Variants in PARD6G observed in about 807,000 individuals in gnomAD.
PARD6G encodes the protein par-6 family cell polarity regulator gamma, also known as partitioning defective 6 homolog gamma.
PARD6G carries 7 observed loss-of-function variants against 10.7 expected under a neutral mutation model. The observed-to-expected ratio is 0.66, with a 90% CI of 0.37 to 1.23. PARD6G has a LOEUF of 1.23. Among genes scored for constraint, PARD6G ranks in the 50% most tolerant of loss-of-function variants. The probability of loss-of-function intolerance (pLI) is 0.02; values close to 1 mark genes in which losing one functional copy is unlikely to be tolerated. For missense variants in PARD6G, 548 were observed against 571.8 expected (o/e 0.96, Z 0.42); for synonymous variants, 287 against 269.4 (o/e 1.07, Z -0.64).
chr18:80,236,136 C>A (rs936693802), intron 1 of PARD6G, among the ~76,000 whole-genome samples: 1 of 152,194 alleles, frequency 6.6e-6, no homozygotes, highest in African/African-American at 2.4e-5. Context: ...AGCAGCACAT[C>A]AAAAAGCTTA....
At chr18:80,186,894 C>T (rs1214277275) in intron 2 of PARD6G, among the ~76,000 whole-genome samples, 2 of 152,110 alleles carry the variant, frequency 1.3e-5, no homozygotes, top group African/African-American at 4.8e-5. Flanking sequence ...GTCGGGAAAT[C>T]AAGACCATCC....
chr18:80,218,708 T>C (rs1967197115), intron 1 of PARD6G, among the ~76,000 whole-genome samples: 1 of 152,242 alleles, frequency 6.6e-6, no homozygotes, highest in Non-Finnish European at 1.5e-5. Context: ...ATGTGGGGGC[T>C]GTGATCTCAC....
rs2052804915 is a variant in PARD6G, at chr18:80,175,784, C to G, written c.296-15178G>C. The G allele has an allele frequency of 6.0e-6, 1 of 166,920 alleles. No individual in the cohort carries two copies. Among genetic ancestry groups the G allele is most frequent in the African/African-American group, 2.4e-5 (1 of 41,464 alleles). 10.3% of individuals were successfully genotyped at this position (166,920 alleles called of 1,614,324 possible). On this transcript the variant is annotated intron_variant, in intron 2 of 2. Transcript: ENST00000353265. This position sits in a 1 kb window ranked among gnomAD's most constrained non-coding sequence, Gnocchi z 6.7. Reference sequence around the variant, plus strand: ...ACAACCACACAGACCCGCCACTGAGCAGCTGGGGTGGCCACTTCCTGGATG... The same window carrying G: ...ACAACCACACAGACCCGCCACTGAGGAGCTGGGGTGGCCACTTCCTGGATG...
chr18:80,231,995 T>C lies in PARD6G; in HGVS notation c.72+15282A>G, dbSNP rs1280913210. Among the ~76,000 whole-genome samples, 2 of 152,220 alleles carry C rather than the reference T, an allele frequency of 1.3e-5. No homozygotes were observed. ...CAGCTGAACCACAAGCCCTAATCTC[T>C]GAGCAGAAGCCACTGCGTTCCTACA... is the stretch of plus-strand genomic sequence containing the variant. On this transcript the variant is annotated intron_variant, in intron 1 of 2. Transcript: ENST00000353265. The surrounding 1 kb of genome is among the most constrained non-coding windows in gnomAD (Gnocchi z 4.2).
chr18:80,245,736 G>A (rs1777824017), intron 1 of PARD6G, among the ~76,000 whole-genome samples: 2 of 152,132 alleles, frequency 1.3e-5, no homozygotes, highest in African/African-American at 4.8e-5. Context: ...TGTTCCCACT[G>A]AGCTAAAGAA....
In PARD6G at chr18:80,160,280, C is replaced by G; in HGVS notation, c.622G>C (p.Gly208Arg). 1 of 1,612,206 alleles carries G rather than the reference C, an allele frequency of 6.2e-7. No individual in the cohort carries two copies. The highest frequency in any genetic ancestry group is 8.5e-7 in the Non-Finnish European group (1 of 1,179,762). The part of the protein sequence containing the change: ...MVPGGLAEST[G>R]LLAVNDEVLE... Reference sequence around the variant, plus strand: ...ACCTCGTCATTCACAGCCAGCAGCCCGGTGCTCTCCGCCAGGCCCCCGGGT... The same window carrying G: ...ACCTCGTCATTCACAGCCAGCAGCCGGGTGCTCTCCGCCAGGCCCCCGGGT... The change falls in exon 3 of 3, where the codon GGG becomes CGG. Residue 208 changes from glycine (G) to arginine (R), a missense_variant. Coordinates refer to ENST00000353265, the MANE Select transcript of PARD6G (RefSeq NM_032510.4).
chr18:80,189,962 A>G lies in PARD6G; in HGVS notation c.295+12748T>C, dbSNP rs1265262562. The stretch of plus-strand genomic sequence containing the variant: ...TTTTTTAGTATATTCAGTGTTGTGT[A>G]ACCACCACCACCACCTAATTCTGGA... On this transcript the variant is annotated intron_variant, in intron 2 of 2. Transcript: ENST00000353265. The surrounding 1 kb of genome is among the most constrained non-coding windows in gnomAD (Gnocchi z 5.5). Among the ~76,000 whole-genome samples the G allele has an allele frequency of 1.3e-5, 2 of 152,128 alleles. No individual in the cohort carries two copies. Among genetic ancestry groups the G allele is most frequent in the African/African-American group, 4.8e-5 (2 of 41,418 alleles).
chr18:80,229,271 A>C (rs897038276), intron 1 of PARD6G, among the ~76,000 whole-genome samples: 9 of 152,344 alleles, frequency 5.9e-5, no homozygotes, highest in African/African-American at 1.9e-4. Context: ...TAAGGGCTCA[A>C]GGAAGCCTTT....
Position 80,181,477 on chromosome 18 carries a change from C to T in PARD6G, c.296-20871G>A, listed in dbSNP as rs115797111. ...TGAGCCCTCAAGAAGGCCTCATCTC[C>T]ATACAGCGCTGCGGCCAGCTGGTGA... On this transcript the variant is annotated intron_variant, in intron 2 of 2. Transcript: ENST00000353265. The surrounding 1 kb of genome is among the most constrained non-coding windows in gnomAD (Gnocchi z 7.9). Among the ~76,000 whole-genome samples the T allele has an allele frequency of 3.0e-3, 450 of 152,286 alleles. 3 individuals carry two copies. The highest frequency in any genetic ancestry group is 9.8e-3 in the African/African-American group (409 of 41,546).
At position 80,161,730 on chromosome 18, in the gene PARD6G, G is replaced by A; in HGVS notation, c.296-1124C>T. 6.6e-6 allele frequency: 1 copy of A among 152,216 alleles called. No homozygotes were observed. Among genetic ancestry groups the A allele is most frequent in the South Asian group, 2.1e-4 (1 of 4,822 alleles). The allele number at this position is 152,216 out of a possible 1,614,324, so 9.4% of individuals were successfully genotyped here. ...ACAGCAGCCTGCTCTTTGGGCTGGGGAGGCTCACATCTTTGCTTTGCCAGT... is the reference window on the plus strand; with the variant it reads ...ACAGCAGCCTGCTCTTTGGGCTGGGAAGGCTCACATCTTTGCTTTGCCAGT... On this transcript the variant is annotated intron_variant, in intron 2 of 2. Transcript: ENST00000353265. The surrounding 1 kb of genome is among the most constrained non-coding windows in gnomAD (Gnocchi z 4.6).
intron 1 of PARD6G, among the ~76,000 whole-genome samples, chr18:80,214,061 G>T (rs1266783278): frequency 6.6e-6 from 1 of 152,046 alleles, no homozygotes; most frequent in Non-Finnish European, 1.5e-5. Context: ...GTCCATGAGG[G>T]GGCCCAGATG....
chr18:80,224,454 T>C (rs1967265414), intron 1 of PARD6G, among the ~76,000 whole-genome samples: 1 of 152,220 alleles, frequency 6.6e-6, no homozygotes, highest in Non-Finnish European at 1.5e-5. Flanking sequence ...TGTGAGGTTC[T>C]CTCACTGTCG....
chr18:80,217,017 A>C (rs1359303460), intron 1 of PARD6G, among the ~76,000 whole-genome samples: 2 of 152,188 alleles, frequency 1.3e-5, no homozygotes, highest in Non-Finnish European at 1.5e-5. Context: ...TCCTTGGAGA[A>C]ATGACTGATT....
At position 80,246,802 on chromosome 18, in the gene PARD6G, TCTC is replaced by T. The variant is rs1299119451; in HGVS notation, c.72+472_72+474del. ...CGCCGGGCTCGGAGCCGGCGGCAAG[TCTC>T]CTCCTGGCAGGTAACAAGCCTCCTT... On this transcript the variant is annotated intron_variant, in intron 1 of 2. Transcript: ENST00000353265. This position sits in a 1 kb window ranked among gnomAD's most constrained non-coding sequence, Gnocchi z 6.7. Among the ~76,000 whole-genome samples, 3 of 151,826 alleles carry T rather than the reference TCTC, an allele frequency of 2.0e-5. No individual in the cohort carries two copies. The highest frequency in any genetic ancestry group is 3.9e-4 in the East Asian group (2 of 5,120).
chr18:80,219,483 T>C (rs576573588), intron 1 of PARD6G, among the ~76,000 whole-genome samples: 35 of 152,324 alleles, frequency 2.3e-4, no homozygotes, highest in Non-Finnish European at 4.0e-4. Context: ...GTGCTGGGAT[T>C]ACAGGCGTGA....
At chr18:80,214,058 AG>A (rs1431575520) in intron 1 of PARD6G, among the ~76,000 whole-genome samples, 1 of 152,126 alleles carries the variant, frequency 6.6e-6, no homozygotes, top group Non-Finnish European at 1.5e-5. Context: ...ACTGTCCATG[AG>A]GGGGCCCAGA....
intron 1 of PARD6G, among the ~76,000 whole-genome samples, chr18:80,234,597 G>A (rs1467779273): frequency 2.0e-5 from 3 of 152,000 alleles, no homozygotes; most frequent in African/African-American, 7.3e-5. Flanking sequence ...CCCCCATAGG[G>A]CAGACTTGCA....
chr18:80,243,473 T>C (rs189353100), intron 1 of PARD6G, among the ~76,000 whole-genome samples: 1,586 of 152,274 alleles, frequency 0.01, 8 homozygotes, highest in Non-Finnish European at 0.016. Flanking sequence ...ACCAATGGTG[T>C]TGGCCCTTCT....
At chr18:80,177,697 G>A (rs765841363) in intron 2 of PARD6G, among the ~76,000 whole-genome samples, 80 of 148,062 alleles carry the variant, frequency 5.4e-4, no homozygotes, top group Non-Finnish European at 9.8e-4. Flanking sequence ...GAAATGGGAA[G>A]CATACACACA....
Sources: gnomAD v4.1 joint callset for allele counts (sites outside exome capture counted in the v4.1 genomes callset) on GRCh38, gnomAD v4.1.1 for gene constraint, Gnocchi (gnomAD v3.1) non-coding constraint, MANE v1.5 for transcripts, NCBI Gene and HGNC (gene_info 2026-07-23, HGNC 2026-07-21) for gene names.